The following EPB42 variants were observed in gnomAD, a reference collection of about 807,000 sequenced individuals.
The protein encoded by EPB42 is protein 4.2.
Under a neutral mutation model 76.9 loss-of-function variants are expected in EPB42, and 49 were observed. The observed-to-expected ratio is 0.64, with a 90% CI of 0.51 to 0.81. The LOEUF (loss-of-function observed/expected upper bound fraction) is 0.81. EPB42 is among the 30% of genes least tolerant of loss of function. The pLI is 0.00. For missense variants in EPB42, 731 were observed against 867.6 expected (o/e 0.84, Z 1.98); for synonymous variants, 310 against 338.4 (o/e 0.92, Z 0.92).
Position 43,207,455 on chromosome 15 carries a change from A to C in EPB42, c.1076-14T>G. On this transcript the variant is annotated splice_polypyrimidine_tract_variant and intron_variant, in intron 8 of 12. Transcript: ENST00000441366. ...AGGACCCCAGGACTGAGGGAGAGAAAGGTTGGTGAGCATGGGAGCTGCGCC... is the reference window on the plus strand; with the variant it reads ...AGGACCCCAGGACTGAGGGAGAGAACGGTTGGTGAGCATGGGAGCTGCGCC... The C allele has an allele frequency of 6.2e-7, 1 of 1,612,996 alleles. No individual in the cohort carries two copies. The highest frequency in any genetic ancestry group is 8.5e-7 in the Non-Finnish European group (1 of 1,180,000).
chr15:43,214,394 T>C (rs2042344970), intron 3 of EPB42, among the ~76,000 whole-genome samples: 1 of 152,108 alleles, frequency 6.6e-6, no homozygotes, highest in African/African-American at 2.4e-5. Context: ...CCGCTCATAG[T>C]CTGGTGAACC....
chr15:43,198,681 A>G (rs1276957272), intron 12 of EPB42, among the ~76,000 whole-genome samples: 3 of 152,260 alleles, frequency 2.0e-5, no homozygotes, highest in African/African-American at 7.2e-5. Flanking sequence ...CCTAATGTTA[A>G]ACCTGAAGAT....
chr15:43,223,248 T>C (rs116210718), upstream of EPB42, among the ~76,000 whole-genome samples: 1,362 of 151,654 alleles, frequency 9.0e-3, 17 homozygotes, highest in African/African-American at 0.032. Context: ...ACCCGGGAGG[T>C]TGGAGGTTGC....
At position 43,215,255 on chromosome 15, in the gene EPB42, C is replaced by T. The variant is rs2042360002; in HGVS notation, c.270G>A (p.Trp90Ter). 6.2e-7 allele frequency: 1 copy of T among 1,614,172 alleles called. No individual in the cohort carries two copies. Among genetic ancestry groups the T allele is most frequent in the Non-Finnish European group, 8.5e-7 (1 of 1,180,030 alleles). ...PISSLGDRKWWSAVVEERDAQ... is the reference protein window; with the variant it reads ...PISSLGDRKW ...CATCTCTCTCCTCCACCACTGCACT[C>T]CACCACTTTCGGTCCCCCAGACTGG... is the stretch of plus-strand genomic sequence containing the variant. The change falls in exon 3 of 13, where the codon TGG becomes TGA. Residue 90 changes from tryptophan to a stop codon, truncating the protein, a stop_gained. Transcript: ENST00000441366. LOFTEE classifies it high-confidence loss of function.
chr15:43,220,884 G>GCTTCTGGGCTC lies in EPB42; in HGVS notation c.-70_-60dup. 1 of 1,481,128 alleles carries GCTTCTGGGCTC rather than the reference G, an allele frequency of 6.8e-7. No homozygotes were observed. The highest frequency in any genetic ancestry group is 9.4e-7 in the Non-Finnish European group (1 of 1,068,572). 91.7% of individuals were successfully genotyped at this position (1,481,128 alleles called of 1,614,324 possible). ...CAGAAAGCGCCTCTCTCAAACTGTT[G>GCTTCTGGGCTC]CTTCTGGGCTCCTTCTGGGCTTTCT... is the stretch of plus-strand genomic sequence containing the variant. On this transcript the variant is annotated 5_prime_UTR_variant, in exon 1 of 13. Transcript: ENST00000441366.
intron 12 of EPB42, among the ~76,000 whole-genome samples, chr15:43,200,422 A>G (rs1469572537): frequency 2.0e-5 from 3 of 152,190 alleles, no homozygotes; most frequent in Non-Finnish European, 2.9e-5. Context: ...GATATTTGCA[A>G]CGTCTAAAAC....
intron 7 of EPB42, 95 bp downstream of exon 7, chr15:43,208,542 C>G (rs550575930): frequency 6.3e-7 from 1 of 1,583,204 alleles, no homozygotes; most frequent in Non-Finnish European, 8.7e-7. Flanking sequence ...CTCTCCATGC[C>G]AGGGCCATGC....
chr15:43,209,537 A>C (rs2042260160), intron 5 of EPB42, 86 bp from the exon 6 acceptor site: 12 of 1,414,782 alleles, frequency 8.5e-6, no homozygotes, highest in African/African-American at 1.4e-5. Context: ...TCATCACAGT[A>C]CTCCAACCAT....
intron 3 of EPB42, among the ~76,000 whole-genome samples, chr15:43,211,898 T>C (rs1485050455): frequency 1.3e-5 from 2 of 151,140 alleles, no homozygotes; most frequent in East Asian, 1.9e-4. Context: ...AGACTCTGTC[T>C]CTACAAAAAA....
At chr15:43,222,136 C>T (rs950950580), upstream of EPB42, among the ~76,000 whole-genome samples, 1 of 138,300 alleles carries the variant, frequency 7.2e-6, no homozygotes, top group African/African-American at 2.8e-5. Context: ...GACTCCATCT[C>T]AGAAAAAAAA....
rs2042200340 is a variant in EPB42 at position 43,206,150 on chromosome 15, C to T, written c.1618+180G>A. The T allele has an allele frequency of 2.0e-5, 13 of 661,234 alleles. No individual in the cohort carries two copies. The South Asian group carries it at 3.3e-4, about 17-fold the overall frequency. The allele number at this position is 661,234 out of a possible 1,614,324, so 41.0% of individuals were successfully genotyped here. ...CAGTTGGCATCGTGTTTTTTTCCTGCTTCAGGCCCAATAAATATGTGTTGA... is the reference window on the plus strand; with the variant it reads ...CAGTTGGCATCGTGTTTTTTTCCTGTTTCAGGCCCAATAAATATGTGTTGA... On this transcript the variant is annotated intron_variant, in intron 10 of 12. Transcript: ENST00000441366. The surrounding 1 kb of genome is among the most constrained non-coding windows in gnomAD (Gnocchi z 4.7).
At chr15:43,203,545 C>T (rs1213148756) in intron 10 of EPB42, among the ~76,000 whole-genome samples, 2 of 152,152 alleles carry the variant, frequency 1.3e-5, no homozygotes, top group Non-Finnish European at 2.9e-5. Context: ...CTCTTTCGGC[C>T]TCAGTGTCCT....
At chr15:43,209,988 C>T (rs1001180584) in intron 5 of EPB42, among the ~76,000 whole-genome samples, 1 of 152,214 alleles carries the variant, frequency 6.6e-6, no homozygotes, top group African/African-American at 2.4e-5. Context: ...AAAGAAGTCC[C>T]TTCGATCACT....
chr15:43,225,277 T>C (rs2142340394), upstream of EPB42, among the ~76,000 whole-genome samples: 1 of 152,386 alleles, frequency 6.6e-6, no homozygotes, highest in South Asian at 2.1e-4. Context: ...TTTGTATCTT[T>C]GTGCCATGAA....
intron 12 of EPB42, among the ~76,000 whole-genome samples, chr15:43,198,735 A>G (rs1329464677): frequency 6.6e-6 from 1 of 152,230 alleles, no homozygotes; most frequent in Non-Finnish European, 1.5e-5. Flanking sequence ...ACTTCATGGC[A>G]GCCCCTCCCA....
At position 43,208,245 on chromosome 15, in the gene EPB42, G is replaced by A. The variant is rs757394417; in HGVS notation, c.1060C>T (p.Pro354Ser). Residue 354 changes from proline to serine, a missense_variant, in exon 8 of 13, where the codon CCT becomes TCT. Coordinates refer to ENST00000441366, the MANE Select transcript of EPB42 (RefSeq NM_001114134.2). Reference sequence around the variant, plus strand: ...TAGGCTTTACCTCCACCTCCATTAGGAGCACTTGGGTGCAGAATCTGCCAT... The same window carrying A: ...TAGGCTTTACCTCCACCTCCATTAGAAGCACTTGGGTGCAGAATCTGCCAT... Reference protein sequence around the residue: ...DGWQILHPSAPNGGGVLGSCD... With the variant: ...DGWQILHPSASNGGGVLGSCD... 9.3e-6 allele frequency: 15 copies of A among 1,613,902 alleles called. No individual in the cohort carries two copies. Among genetic ancestry groups the A allele is most frequent in the African/African-American group, 2.7e-5 (2 of 74,912 alleles).
chr15:43,207,208 A>G lies in EPB42; in HGVS notation c.1309T>C (p.Tyr437His). 3 of 1,613,840 alleles carry G rather than the reference A, an allele frequency of 1.9e-6. No individual in the cohort carries two copies. The highest frequency in any genetic ancestry group is 2.2e-5 in the East Asian group (1 of 44,874). Residue 437 changes from tyrosine (Y) to histidine (H), a missense_variant, in exon 9 of 13, where the codon TAT (tyrosine) becomes CAT (histidine). By Grantham distance (83) the Tyr-to-His change is moderately conservative (BLOSUM62 2). Transcript: ENST00000441366. ...RCEDITQNYK[Y>H]PEGSLQEKEV... Reference sequence around the variant, plus strand: ...CTTCCCTGGCCCGTACCTTCAGGATACTTGTAGTTCTGAGTGATGTCCTCG... The same window carrying G: ...CTTCCCTGGCCCGTACCTTCAGGATGCTTGTAGTTCTGAGTGATGTCCTCG...
intron 1 of EPB42, 167 bp downstream of exon 1, chr15:43,220,649 A>AACCC: frequency 1.8e-4 from 70 of 388,138 alleles, no homozygotes; most frequent in Admixed American, 3.4e-4. Context: ...CACCTACCAC[A>AACCC]CCCCCCCCCC....
At chr15:43,219,370 T>A (rs957673433) in intron 1 of EPB42, among the ~76,000 whole-genome samples, 7 of 152,248 alleles carry the variant, frequency 4.6e-5, no homozygotes, top group African/African-American at 1.7e-4. Context: ...ACAATTTAAT[T>A]TTTAATAATG....
Sources: allele counts gnomAD v4.1 joint callset (sites outside exome capture counted in the v4.1 genomes callset), GRCh38; gene constraint gnomAD v4.1.1; non-coding constraint Gnocchi (gnomAD v3.1); transcripts MANE v1.5; gene names NCBI Gene and HGNC (gene_info 2026-07-23, HGNC 2026-07-21).